Variants in TGFBR2 observed in about 807,000 individuals in gnomAD.
TGFBR2 encodes transforming growth factor beta receptor 2, also known as TGF-beta receptor type-2.
A neutral mutation model predicts 49.0 loss-of-function variants in TGFBR2; 18 were observed. The ratio of observed to expected loss-of-function variants is 0.37; its 90% CI spans 0.25 to 0.54. TGFBR2 has a LOEUF of 0.54. Ranked by LOEUF, TGFBR2 falls within the 20% of genes least tolerant of loss-of-function variation. The probability of loss-of-function intolerance (pLI) is 0.85; values close to 1 mark genes in which losing one functional copy is unlikely to be tolerated. For missense variants in TGFBR2, 525 were observed against 722.6 expected, an observed-to-expected ratio of 0.73 and a Z score of 3.13; for synonymous variants, 282 against 275.9, an observed-to-expected ratio of 1.02 and a Z score of -0.22.
At chr3:30,620,803 AT>A (rs1444259102) in intron 1 of TGFBR2, among the ~76,000 whole-genome samples, 1 of 152,118 alleles carries the variant, frequency 6.6e-6, no homozygotes, top group Non-Finnish European at 1.5e-5. Context: ...TGGAATAGGG[AT>A]GGCTGAAGGG....
intron 3 of TGFBR2, among the ~76,000 whole-genome samples, chr3:30,654,672 T>A (rs1022578260): frequency 6.6e-6 from 1 of 152,202 alleles, no homozygotes; most frequent in African/African-American, 2.4e-5. Flanking sequence ...TGGTGACAGC[T>A]GTCAGTCAGA....
chr3:30,635,294 C>T (rs1698508027), intron 1 of TGFBR2, among the ~76,000 whole-genome samples: 1 of 152,184 alleles, frequency 6.6e-6, no homozygotes, highest in South Asian at 2.1e-4. Flanking sequence ...GATTTTGTCT[C>T]CTGTTATGTG....
chr3:30,608,773 T>C (rs953680809), intron 1 of TGFBR2, among the ~76,000 whole-genome samples: 1 of 152,238 alleles, frequency 6.6e-6, no homozygotes, highest in Non-Finnish European at 1.5e-5. Context: ...TGTTTCGTTC[T>C]TGGCGTTTTT....
At chr3:30,680,264 A>G (rs967154136) in intron 5 of TGFBR2, among the ~76,000 whole-genome samples, 1 of 152,230 alleles carries the variant, frequency 6.6e-6, no homozygotes, top group Non-Finnish European at 1.5e-5. Flanking sequence ...TTTGAGGAAC[A>G]TTCAGTGATG....
intron 5 of TGFBR2, among the ~76,000 whole-genome samples, chr3:30,678,415 G>A (rs576819313): frequency 2.6e-5 from 4 of 152,182 alleles, no homozygotes; most frequent in Middle Eastern, 3.4e-3. Flanking sequence ...GGGCGTGGCA[G>A]CAGGCGCCTG....
At chr3:30,637,063 GA>G (rs752993282) in intron 1 of TGFBR2, among the ~76,000 whole-genome samples, 1,455 of 99,050 alleles carry the variant, frequency 0.015, 13 homozygotes, top group Non-Finnish European at 0.016. Context: ...GACTCTGTCT[GA>G]AAAAAAAAAA....
At chr3:30,655,422 A>C (rs540320120) in intron 3 of TGFBR2, among the ~76,000 whole-genome samples, 1 of 152,312 alleles carries the variant, frequency 6.6e-6, no homozygotes, top group East Asian at 1.9e-4. Flanking sequence ...GCCTTCACAG[A>C]GGCAAGGGGA....
Position 30,671,717 on chromosome 3 carries a change from T to C in TGFBR2, c.534T>C (p.Val178=), listed in dbSNP as rs1192388855. Residue 178 remains valine, a synonymous_variant, in exon 4 of 7, where the codon GTT becomes GTC. Transcript: ENST00000295754. ...TGISLLPPLG[V]AISVIIIFYC... is the part of the protein sequence containing the mutation. ...TCAGCCTCCTGCCACCACTGGGAGTTGCCATATCTGTCATCATCATCTTCT... is the reference window on the plus strand; with the variant it reads ...TCAGCCTCCTGCCACCACTGGGAGTCGCCATATCTGTCATCATCATCTTCT... The C allele has an allele frequency of 6.2e-7, 1 of 1,614,082 alleles. No individual in the cohort carries two copies. Among genetic ancestry groups the C allele is most frequent in the Non-Finnish European group, 8.5e-7 (1 of 1,180,032 alleles).
chr3:30,631,280 T>C (rs1698432543), intron 1 of TGFBR2, among the ~76,000 whole-genome samples: 1 of 152,066 alleles, frequency 6.6e-6, no homozygotes, highest in African/African-American at 2.4e-5. Flanking sequence ...GACCTCGTGA[T>C]TCACCCACCT....
intron 1 of TGFBR2, among the ~76,000 whole-genome samples, chr3:30,608,052 C>T (rs761257459): frequency 1.3e-4 from 19 of 151,526 alleles, no homozygotes; most frequent in Non-Finnish European, 2.7e-4. Context: ...GATTCTCCTG[C>T]CTTAGCCTCC....
intron 5 of TGFBR2, among the ~76,000 whole-genome samples, chr3:30,674,500 A>G (rs1559467950): frequency 6.6e-6 from 1 of 152,166 alleles, no homozygotes; most frequent in Non-Finnish European, 1.5e-5. Flanking sequence ...CTCTTGACAC[A>G]TCTCTTCACA....
chr3:30,623,063 A>G, intron 1 of TGFBR2: 1 of 653,370 alleles, frequency 1.5e-6, no homozygotes. Flanking sequence ...CATATTGACC[A>G]TGTCTAGTTA....
intron 3 of TGFBR2, among the ~76,000 whole-genome samples, chr3:30,650,989 C>T (rs896294630): frequency 6.6e-6 from 1 of 152,076 alleles, no homozygotes; most frequent in Non-Finnish European, 1.5e-5. Flanking sequence ...TACTTGTCAT[C>T]GATCCCATTT....
At chr3:30,609,404 A>G (rs2125441815) in intron 1 of TGFBR2, among the ~76,000 whole-genome samples, 1 of 152,354 alleles carries the variant, frequency 6.6e-6, no homozygotes, top group Non-Finnish European at 1.5e-5. Context: ...TTAATAAACA[A>G]CAAGCTCCTT....
At chr3:30,688,986 G>T (rs1243289073) in intron 6 of TGFBR2, among the ~76,000 whole-genome samples, 1 of 152,214 alleles carries the variant, frequency 6.6e-6, no homozygotes, top group Non-Finnish European at 1.5e-5. Context: ...ACAGGTGTTT[G>T]CAGGCTGTGC....
At chr3:30,627,363 A>T (rs1408114667) in intron 1 of TGFBR2, among the ~76,000 whole-genome samples, 1 of 152,150 alleles carries the variant, frequency 6.6e-6, no homozygotes, top group Admixed American at 6.5e-5. Context: ...CTCAAGTTTC[A>T]ATTGAGCTGA....
At chr3:30,629,164 C>G (rs1698391627) in intron 1 of TGFBR2, among the ~76,000 whole-genome samples, 2 of 152,210 alleles carry the variant, frequency 1.3e-5, no homozygotes, top group Non-Finnish European at 2.9e-5. Context: ...TGAAAGTATC[C>G]TGTCTATTCC....
intron 3 of TGFBR2, among the ~76,000 whole-genome samples, chr3:30,663,593 G>C (rs890149794): frequency 2.0e-5 from 3 of 152,134 alleles, no homozygotes; most frequent in African/African-American, 7.2e-5. Flanking sequence ...GACTACAGAT[G>C]CATACTTGGA....
intron 3 of TGFBR2, chr3:30,661,776 C>T (rs1211183322): frequency 2.9e-6 from 1 of 344,636 alleles, no homozygotes; most frequent in Non-Finnish European, 5.7e-6. Flanking sequence ...CTTTGCTACA[C>T]AAGTTATATT....
Sources: gnomAD v4.1 joint callset for allele counts (sites outside exome capture counted in the v4.1 genomes callset) on GRCh38, gnomAD v4.1.1 for gene constraint, MANE v1.5 for transcripts, NCBI Gene and HGNC (gene_info 2026-07-23, HGNC 2026-07-21) for gene names.